Variants in CHMP7 observed in about 807,000 individuals in gnomAD.
CHMP7 encodes the protein CHMP family, member 7.
A neutral mutation model predicts 53.7 loss-of-function variants in CHMP7; 15 were observed. The ratio of observed to expected loss-of-function variants is 0.28; its 90% confidence interval spans 0.19 to 0.43. The LOEUF (loss-of-function observed/expected upper bound fraction) is 0.43, where lower values mean the gene tolerates loss of function less well. CHMP7 is among the 20% of genes least tolerant of loss of function. CHMP7 has a pLI of 1.00. For missense variants in CHMP7, 527 were observed against 569.4 expected, an observed-to-expected ratio of 0.93 and a Z score of 0.76; for synonymous variants, 261 against 228.0, an observed-to-expected ratio of 1.14 and a Z score of -1.30.
chr8:23,256,870 G>A (rs965106760), intron 5 of CHMP7, among the ~76,000 whole-genome samples: 5 of 142,152 alleles, frequency 3.5e-5, no homozygotes, highest in Admixed American at 1.5e-4. Flanking sequence ...TCGGCTCACT[G>A]CAAGCTCCGC....
intron 4 of CHMP7, 117 bp downstream of exon 4, chr8:23,255,549 C>T (rs1008248463): frequency 2.9e-5 from 24 of 837,852 alleles, no homozygotes; most frequent in South Asian, 1.2e-4. Context: ...CCGTCAACCA[C>T]GGTCCAAAAA....
Position 23,258,055 on chromosome 8 carries a change from G to A in CHMP7, c.814G>A (p.Ala272Thr), listed in dbSNP as rs754278872. Residue 272 changes from alanine to threonine, a missense_variant, in exon 6 of 11, where the codon GCA becomes ACA. Physicochemically the swap from Ala to Thr is moderately conservative, Grantham distance 58. Transcript: ENST00000397677. Reference sequence around the variant, plus strand: ...CAGGTGTAAAGAAGAAGCCCGCCGGGCATGCCGAGCAGGAAAGAAGCAGCT... The same window carrying A: ...CAGGTGTAAAGAAGAAGCCCGCCGGACATGCCGAGCAGGAAAGAAGCAGCT... ...AERCKEEARR[A>T]CRAGKKQLAL... 2 of 1,613,254 alleles carry A rather than the reference G, an allele frequency of 1.2e-6. No homozygotes were observed. Among genetic ancestry groups the A allele is most frequent in the Non-Finnish European group, 1.7e-6 (2 of 1,179,484 alleles).
intron 3 of CHMP7, among the ~76,000 whole-genome samples, chr8:23,251,599 G>A (rs4871860): frequency 0.74 from 112,789 of 152,142 alleles, 43,691 homozygotes; most frequent in South Asian, 0.93. Flanking sequence ...GAATACACAC[G>A]CACAGACACG....
chr8:23,258,920 G>A, intron 8 of CHMP7, 90 bp downstream of exon 8: 1 of 1,070,576 alleles, frequency 9.3e-7, no homozygotes, highest in Non-Finnish European at 1.5e-6. Context: ...AACGAAACCT[G>A]ACTTGTGACC....
At chr8:23,259,962 G>A (rs1802315063) in intron 9 of CHMP7, 182 bp from the exon 10 acceptor site, 1 of 593,414 alleles carries the variant, frequency 1.7e-6, no homozygotes, top group Admixed American at 3.0e-5. Flanking sequence ...GACTTAGCTT[G>A]GAGTGTGGAA....
At chr8:23,250,448 C>T (rs917449988) in intron 3 of CHMP7, among the ~76,000 whole-genome samples, 1 of 152,142 alleles carries the variant, frequency 6.6e-6, no homozygotes, top group African/African-American at 2.4e-5. Context: ...AATGCTTTTC[C>T]GAACACCGAT....
chr8:23,259,161 C>CTTTTTTTTTTTTTTTTTTTTTTTTTT (rs1491187498), intron 9 of CHMP7, 35 bp downstream of exon 9: 1 of 478,900 alleles, frequency 2.1e-6, no homozygotes. Flanking sequence ...TATTTTTATT[C>CTTTTTTTTTTTTTTTTTTTTTTTTTT]ATTTTTTTTT....
chr8:23,258,635 A>G (rs529329624), intron 7 of CHMP7, 97 bp from the exon 8 acceptor site: 1 of 1,238,554 alleles, frequency 8.1e-7, no homozygotes. Flanking sequence ...GGGTGCCAAA[A>G]AAAACACCCC....
Position 23,258,392 on chromosome 8 carries a change from G to C in CHMP7, c.903G>C (p.Lys301Asn), listed in dbSNP as rs780295073. The C allele has an allele frequency of 1.9e-6, 3 of 1,614,132 alleles. No homozygotes were observed. The highest frequency in any genetic ancestry group is 1.7e-6 in the Non-Finnish European group (2 of 1,180,028). Residue 301 changes from lysine to asparagine, a missense_variant, in exon 7 of 11, where the codon AAG becomes AAC. Lys to Asn is a moderately conservative substitution (Grantham distance 94). Transcript: ENST00000397677. ...AGCGCATCGAGGCCTTGCATGCCAA[G>C]CTGGACACTGTTCAAGGCATCCTGG... is the stretch of plus-strand genomic sequence containing the variant. ...TEKRIEALHA[K>N]LDTVQGILDR...
rs1346972539 is a variant in CHMP7 at position 23,261,399 on chromosome 8, GC to G, written c.*802del. The stretch of plus-strand genomic sequence containing the variant: ...CCTTATGCAAAGAGGCAAAATTGTT[GC>G]CTTGGCCCCATCATGGAGTAACTTA... On this transcript the variant is annotated 3_prime_UTR_variant, in exon 11 of 11. Transcript: ENST00000397677. 1 of 152,596 alleles carries G rather than the reference GC, an allele frequency of 6.6e-6. No individual in the cohort carries two copies. The highest frequency in any genetic ancestry group is 1.9e-4 in the East Asian group (1 of 5,200). The allele number at this position is 152,596 out of a possible 1,614,324, so 9.5% of individuals were successfully genotyped here.
chr8:23,252,964 TCTTTTCTACC>T, intron 3 of CHMP7, among the ~76,000 whole-genome samples: 1 of 152,336 alleles, frequency 6.6e-6, no homozygotes, highest in South Asian at 2.1e-4. Flanking sequence ...CTTATTAGGC[TCTTTTCTACC>T]CTTTGGCACT....
intron 5 of CHMP7, among the ~76,000 whole-genome samples, chr8:23,256,959 A>G (rs1802159040): frequency 6.6e-6 from 1 of 151,756 alleles, no homozygotes; most frequent in Non-Finnish European, 1.5e-5. Context: ...CGCCTGGCGA[A>G]TTTTTTATAT....
At chr8:23,255,122 G>A in intron 3 of CHMP7, 125 bp from the exon 4 acceptor site, 1 of 917,644 alleles carries the variant, frequency 1.1e-6, no homozygotes, top group Non-Finnish European at 1.7e-6. Flanking sequence ...GCTACTTTGG[G>A]GAGGATGGGG....
chr8:23,258,894 A>ATTGCAC, intron 8 of CHMP7, 64 bp downstream of exon 8: 2 of 1,214,854 alleles, frequency 1.6e-6, no homozygotes, highest in South Asian at 2.4e-5. Context: ...ATTTGACTTC[A>ATTGCAC]TTGCACATCC....
intron 1 of CHMP7, among the ~76,000 whole-genome samples, chr8:23,245,799 G>A (rs934179973): frequency 2.0e-5 from 3 of 152,322 alleles, no homozygotes; most frequent in African/African-American, 7.2e-5. Flanking sequence ...CAATTAATTA[G>A]ATATAAACAT....
chr8:23,243,973 TC>T (rs1232379400), intron 1 of CHMP7, 129 bp downstream of exon 1: 4 of 151,412 alleles, frequency 2.6e-5, no homozygotes, highest in African/African-American at 9.7e-5. Context: ...AGATCTTTTA[TC>T]CATGTTTTAA....
At position 23,261,410 on chromosome 8, in the gene CHMP7, A is replaced by G. The variant is rs1210364401; in HGVS notation, c.*811A>G. 6.5e-6 allele frequency: 1 copy of G among 152,704 alleles called. No homozygotes were observed. The highest frequency in any genetic ancestry group is 1.5e-5 in the Non-Finnish European group (1 of 68,156). The allele number at this position is 152,704 out of a possible 1,614,324, so 9.5% of individuals were successfully genotyped here. A position where few individuals can be genotyped will look rare whatever the true frequency, so the allele number is the denominator to read the frequency against. ...GAGGCAAAATTGTTGCCTTGGCCCC[A>G]TCATGGAGTAACTTAAAAATACATA... On this transcript the variant is annotated 3_prime_UTR_variant, in exon 11 of 11. Coordinates refer to ENST00000397677, the MANE Select transcript of CHMP7 (RefSeq NM_152272.5).
intron 3 of CHMP7, among the ~76,000 whole-genome samples, chr8:23,250,571 C>T (rs1259296999): frequency 2.0e-5 from 3 of 151,326 alleles, no homozygotes; most frequent in Non-Finnish European, 4.4e-5. Flanking sequence ...TGCAGACCTG[C>T]TTCAACCACC....
chr8:23,246,943 G>T lies in CHMP7; in HGVS notation c.248G>T (p.Arg83Leu), dbSNP rs1355440054. Residue 83 changes from arginine to leucine, a missense_variant, in exon 2 of 11, where the codon CGC (arginine) becomes CTC (leucine). Coordinates refer to ENST00000397677, the MANE Select transcript of CHMP7 (RefSeq NM_152272.5). ...RLRDLQEAFQ[R>L]KGSVPLGLAT... ...CGGGACTTGCAGGAGGCCTTTCAGC[G>T]CAAGGGGAGCGTCCCGCTGGGGCTG... The T allele has an allele frequency of 1.9e-6, 3 of 1,554,442 alleles. No individual in the cohort carries two copies. The highest frequency in any genetic ancestry group is 2.7e-5 in the African/African-American group (2 of 73,742).
Sources: gnomAD v4.1 joint callset for allele counts (sites outside exome capture counted in the v4.1 genomes callset) on GRCh38, gnomAD v4.1.1 for gene constraint, MANE v1.5 for transcripts, NCBI Gene and HGNC (gene_info 2026-07-23, HGNC 2026-07-21) for gene names.